The following TRIO variants were observed in gnomAD, a reference collection of about 807,000 sequenced individuals.
The protein encoded by TRIO is trio Rho guanine nucleotide exchange factor, also known as triple functional domain protein.
Under a neutral mutation model 351.9 loss-of-function variants are expected in TRIO, and 58 were observed. That is an observed-to-expected ratio of 0.16 (90% CI 0.13 to 0.21). The LOEUF is 0.21. Ranked by LOEUF, TRIO falls within the 10% of genes least tolerant of loss-of-function variation. The pLI, the probability that TRIO is intolerant of heterozygous loss-of-function variation, is 1.00. For synonymous variants in TRIO, 1,758 were observed against 1,595.7 expected, an observed-to-expected ratio of 1.10 and a Z score of -2.42; for missense variants, 3,201 against 4,027.8, an observed-to-expected ratio of 0.79 and a Z score of 5.56.
chr5:14,364,874 G>T (rs965637658), intron 15 of TRIO, 58 bp downstream of exon 15: 4 of 1,530,484 alleles, frequency 2.6e-6, no homozygotes, highest in African/African-American at 1.4e-5. Context: ...ATACCTCATC[G>T]ACTTCCCGGA....
intron 1 of TRIO, among the ~76,000 whole-genome samples, chr5:14,262,275 G>A (rs552899312): frequency 6.6e-6 from 1 of 152,046 alleles, no homozygotes; most frequent in Non-Finnish European, 1.5e-5. Context: ...GTTGAGCAGT[G>A]GGGACTCCAG....
chr5:14,498,869 C>G (rs111553931), intron 53 of TRIO: 227 of 495,526 alleles, frequency 4.6e-4, no homozygotes, highest in African/African-American at 4.0e-3. Flanking sequence ...CACCGGAGCT[C>G]CTGTTGCTGG....
chr5:14,325,614 A>G (rs1271603644), intron 9 of TRIO, among the ~76,000 whole-genome samples: 1 of 152,190 alleles, frequency 6.6e-6, no homozygotes, highest in African/African-American at 2.4e-5. Flanking sequence ...TGGATATCAT[A>G]TTGCAGTGTG....
chr5:14,327,749 T>C (rs1287881564), intron 9 of TRIO, among the ~76,000 whole-genome samples: 1 of 152,230 alleles, frequency 6.6e-6, no homozygotes, highest in Non-Finnish European at 1.5e-5. Context: ...TATGTACCTC[T>C]AAATTCTTTT....
At chr5:14,245,176 C>T (rs575380277) in intron 1 of TRIO, among the ~76,000 whole-genome samples, 21 of 152,290 alleles carry the variant, frequency 1.4e-4, no homozygotes, top group African/African-American at 4.6e-4. Context: ...ATCCACTCGC[C>T]GTTCTGTGGT....
chr5:14,385,513 G>T (rs181092883), intron 21 of TRIO, among the ~76,000 whole-genome samples: 1 of 152,330 alleles, frequency 6.6e-6, no homozygotes, highest in African/African-American at 2.4e-5. Context: ...AGTGTGTGTT[G>T]TATGCAAGTA....
intron 7 of TRIO, among the ~76,000 whole-genome samples, chr5:14,301,746 C>A (rs1737912024): frequency 6.6e-6 from 1 of 152,170 alleles, no homozygotes; most frequent in South Asian, 2.1e-4. Flanking sequence ...TCTGTTGACA[C>A]CCTGTTCCCT....
At chr5:14,238,701 T>G (rs1793936897) in intron 1 of TRIO, among the ~76,000 whole-genome samples, 1 of 152,252 alleles carries the variant, frequency 6.6e-6, no homozygotes, top group African/African-American at 2.4e-5. Flanking sequence ...AGTTAAAATC[T>G]TACAATGTAG....
intron 18 of TRIO, 103 bp from the exon 19 acceptor site, chr5:14,374,122 GATAA>G: frequency 1.4e-6 from 1 of 716,922 alleles, no homozygotes; most frequent in Non-Finnish European, 2.3e-6. Flanking sequence ...CAGGTGGCCA[GATAA>G]ATATTTTAGG....
At chr5:14,398,473 A>G (rs972387912) in intron 29 of TRIO, among the ~76,000 whole-genome samples, 18 of 152,030 alleles carry the variant, frequency 1.2e-4, no homozygotes, top group Non-Finnish European at 2.5e-4. Flanking sequence ...GAGAATCAAG[A>G]CGGAGGCTGG....
Position 14,387,569 on chromosome 5 carries a change from G to T in TRIO, c.3702G>T (p.Arg1234=). 6.2e-7 allele frequency: 1 copy of T among 1,614,222 alleles called. No homozygotes were observed. Among genetic ancestry groups the T allele is most frequent in the Non-Finnish European group, 8.5e-7 (1 of 1,180,034 alleles). Residue 1234 remains arginine, a synonymous_variant, in exon 22 of 57, where the codon CGG becomes CGT. Coordinates refer to ENST00000344204, the MANE Select transcript of TRIO (RefSeq NM_007118.4). The part of the protein sequence containing the change: ...VDKRYRDFSL[R]MEKYRTSLEK... ...AGAGGTACAGAGATTTCTCTCTGCG[G>T]ATGGAGAAGTACAGGACCTCTTTGG...
intron 11 of TRIO, among the ~76,000 whole-genome samples, chr5:14,355,321 C>T (rs976270802): frequency 7.2e-5 from 11 of 152,232 alleles, no homozygotes; most frequent in African/African-American, 2.7e-4. Context: ...TAGAGCAAAT[C>T]TTGCCTGTTC....
intron 4 of TRIO, among the ~76,000 whole-genome samples, chr5:14,288,822 C>T (rs1274160062): frequency 6.6e-6 from 1 of 152,200 alleles, no homozygotes. Context: ...CTTGTTTTCT[C>T]TTTTGGTTCT....
intron 28 of TRIO, 92 bp from the exon 29 acceptor site, chr5:14,396,951 A>C (rs1310938506): frequency 2.8e-6 from 3 of 1,074,044 alleles, no homozygotes; most frequent in Non-Finnish European, 2.7e-6. Context: ...TTTATCTTGA[A>C]AGCCATGGGC....
At chr5:14,373,054 AG>A (rs1213364552) in intron 18 of TRIO, among the ~76,000 whole-genome samples, 1 of 151,988 alleles carries the variant, frequency 6.6e-6, no homozygotes, top group Non-Finnish European at 1.5e-5. Context: ...AGAGAAGTAC[AG>A]GGTGAGGCAG....
At chr5:14,377,931 CTAAA>C in intron 19 of TRIO, 77 bp from the exon 20 acceptor site, 1 of 1,090,908 alleles carries the variant, frequency 9.2e-7, no homozygotes, top group Non-Finnish European at 1.4e-6. Flanking sequence ...GCATAAAAGT[CTAAA>C]TAAAAATGAA....
chr5:14,254,190 C>G (rs550458100), intron 1 of TRIO, among the ~76,000 whole-genome samples: 117 of 151,856 alleles, frequency 7.7e-4, no homozygotes, highest in African/African-American at 2.4e-3. Context: ...TTCTCCCCCC[C>G]TCCCCCCGCC....
At chr5:14,455,066 C>T (rs548270696) in intron 34 of TRIO, among the ~76,000 whole-genome samples, 9 of 152,258 alleles carry the variant, frequency 5.9e-5, no homozygotes, top group African/African-American at 2.2e-4. Flanking sequence ...AGCTGCAGAC[C>T]TTCGCGGTGA....
Position 14,507,153 on chromosome 5 carries a change from G to C in TRIO, c.8644G>C (p.Val2882Leu), listed in dbSNP as rs1159993254. 2 of 1,611,938 alleles carry C rather than the reference G, an allele frequency of 1.2e-6. No individual in the cohort carries two copies. Among genetic ancestry groups the C allele is most frequent in the Non-Finnish European group, 1.7e-6 (2 of 1,179,452 alleles). ...ADQGRLLDCVVRWGSLTEGKI... is the reference protein window; with the variant it reads ...ADQGRLLDCVLRWGSLTEGKI... ...CCAGGGTCGCCTCCTGGACTGCGTG[G>C]TGCGATGGGGAAGCCTCACTGAAGG... is the stretch of plus-strand genomic sequence containing the variant. The change falls in exon 56 of 57, where the codon GTG becomes CTG. Residue 2882 changes from valine to leucine, a missense_variant. Val to Leu is a conservative substitution (Grantham distance 32, BLOSUM62 1). This residue lies in a region of TRIO where 233 missense variants were observed against 292.6 expected (regional missense o/e 0.80). Transcript: ENST00000344204.
Sources: allele counts gnomAD v4.1 joint callset (sites outside exome capture counted in the v4.1 genomes callset), GRCh38; gene constraint gnomAD v4.1.1; regional missense constraint gnomAD v4.1.1; transcripts MANE v1.5; gene names NCBI Gene and HGNC (gene_info 2026-07-23, HGNC 2026-07-21).